GRM3: variants seen among roughly 807,000 people sequenced by gnomAD.
The protein encoded by GRM3 is glutamate metabotropic receptor 3, also known as metabotropic glutamate receptor 3.
In GRM3, 26 loss-of-function variants were observed where a neutral mutation model predicts 70.5. The observed-to-expected ratio is 0.37, with a 90% CI of 0.27 to 0.51. GRM3 has a LOEUF of 0.51. GRM3 is among the 20% of genes least tolerant of loss of function. The pLI, the probability that GRM3 is intolerant of heterozygous loss-of-function variation, is 0.93. For missense variants in GRM3, 859 were observed against 1,123.8 expected (o/e 0.76, Z 3.37); for synonymous variants, 443 against 434.9 (o/e 1.02, Z -0.23).
At chr7:86,739,291 G>A (rs139332334) in intron 1 of GRM3, among the ~76,000 whole-genome samples, 2 of 152,228 alleles carry the variant, frequency 1.3e-5, no homozygotes, top group African/African-American at 4.8e-5. Flanking sequence ...ACAGGCCTCT[G>A]GAAATTATTC....
intron 1 of GRM3, among the ~76,000 whole-genome samples, chr7:86,712,754 T>C (rs771421030): frequency 3.9e-5 from 6 of 152,056 alleles, no homozygotes; most frequent in Non-Finnish European, 8.8e-5. Context: ...TGTGTTTGTC[T>C]TATTTTACTT....
At chr7:86,717,771 G>A (rs1221448124) in intron 1 of GRM3, among the ~76,000 whole-genome samples, 3 of 151,912 alleles carry the variant, frequency 2.0e-5, no homozygotes, top group Non-Finnish European at 4.4e-5. Flanking sequence ...GATGGGCATC[G>A]AGGAAAGGGC....
chr7:86,651,222 G>T (rs145838470), intron 1 of GRM3, among the ~76,000 whole-genome samples: 1 of 152,198 alleles, frequency 6.6e-6, no homozygotes, highest in African/African-American at 2.4e-5. Context: ...ACAACCAAAG[G>T]GCTGAAACAA....
intron 3 of GRM3, among the ~76,000 whole-genome samples, chr7:86,800,007 A>G (rs1797646373): frequency 6.6e-6 from 1 of 152,238 alleles, no homozygotes. Flanking sequence ...CCACACAACT[A>G]CATAGAAATT....
In GRM3 at chr7:86,839,952, T is replaced by G. The variant is rs958340234; in HGVS notation, c.2391+47T>G. On this transcript the variant is annotated intron_variant, in intron 4 of 5. Transcript: ENST00000361669. The surrounding 1 kb of genome is among the most constrained non-coding windows in gnomAD (Gnocchi z 4.5). ...ATTTTTCTTGTTCTTTCTCCTCCAG[T>G]GTTTCTTGTGTAGTATTTAAAATAG... The G allele has an allele frequency of 2.5e-5, 27 of 1,084,728 alleles. No homozygotes were observed. The highest frequency in any genetic ancestry group is 2.0e-4 in the Middle Eastern group (1 of 4,956). The allele number at this position is 1,084,728 out of a possible 1,614,324, so 67.2% of individuals were successfully genotyped here.
At chr7:86,659,187 C>A (rs543910389) in intron 1 of GRM3, among the ~76,000 whole-genome samples, 1 of 152,254 alleles carries the variant, frequency 6.6e-6, no homozygotes, top group African/African-American at 2.4e-5. Flanking sequence ...ATAAATAACA[C>A]CCCAAGGTAT....
chr7:86,856,439 C>A (rs1798847447), intron 5 of GRM3, among the ~76,000 whole-genome samples: 1 of 146,066 alleles, frequency 6.8e-6, no homozygotes, highest in African/African-American at 2.6e-5. Context: ...GAGCAAGACT[C>A]CATCGCCCTC....
At chr7:86,704,650 T>C (rs907668156) in intron 1 of GRM3, among the ~76,000 whole-genome samples, 3 of 151,908 alleles carry the variant, frequency 2.0e-5, no homozygotes, top group African/African-American at 4.8e-5. Flanking sequence ...AGGATTCTGA[T>C]TGCTGTAGTT....
At chr7:86,687,660 A>T (rs1476260109) in intron 1 of GRM3, among the ~76,000 whole-genome samples, 3 of 151,944 alleles carry the variant, frequency 2.0e-5, no homozygotes, top group Non-Finnish European at 4.4e-5. Context: ...TCTCATAGAC[A>T]TATAGAACTT....
At chr7:86,858,873 A>T (rs1460257521) in intron 5 of GRM3, among the ~76,000 whole-genome samples, 1 of 152,230 alleles carries the variant, frequency 6.6e-6, no homozygotes, top group East Asian at 1.9e-4. Flanking sequence ...AGTATAATGA[A>T]TATGATGATC....
At chr7:86,771,811 C>T (rs1462184073) in intron 2 of GRM3, among the ~76,000 whole-genome samples, 5 of 152,004 alleles carry the variant, frequency 3.3e-5, no homozygotes, top group South Asian at 2.1e-4. Context: ...AGGGGAAAGA[C>T]GTCTAGATAT....
intron 1 of GRM3, among the ~76,000 whole-genome samples, chr7:86,726,074 C>T (rs983678662): frequency 4.6e-5 from 7 of 152,162 alleles, no homozygotes; most frequent in African/African-American, 1.4e-4. Context: ...GATAGTTGTG[C>T]TAGAGTGACA....
intron 2 of GRM3, among the ~76,000 whole-genome samples, chr7:86,785,630 A>C (rs1797210001): frequency 6.7e-6 from 1 of 149,518 alleles, no homozygotes; most frequent in African/African-American, 2.4e-5. Flanking sequence ...CAAGATTTTC[A>C]GGAGTTTAGA....
At chr7:86,822,739 C>A (rs574738941) in intron 3 of GRM3, among the ~76,000 whole-genome samples, 102 of 152,128 alleles carry the variant, frequency 6.7e-4, no homozygotes, top group African/African-American at 2.2e-3. Flanking sequence ...TGTTAGATAT[C>A]TTTTTTAAAA....
At chr7:86,670,319 A>G (rs1425844919) in intron 1 of GRM3, among the ~76,000 whole-genome samples, 1 of 152,204 alleles carries the variant, frequency 6.6e-6, no homozygotes, top group East Asian at 1.9e-4. Flanking sequence ...TTTCCTACTC[A>G]TGTGGCTCCA....
At chr7:86,855,966 T>C (rs1233666190) in intron 5 of GRM3, among the ~76,000 whole-genome samples, 1 of 152,184 alleles carries the variant, frequency 6.6e-6, no homozygotes, top group African/African-American at 2.4e-5. Flanking sequence ...ATTAGCAAGG[T>C]ATTTGGTAAT....
intron 2 of GRM3, among the ~76,000 whole-genome samples, chr7:86,770,781 A>G (rs944042637): frequency 6.6e-6 from 1 of 152,164 alleles, no homozygotes; most frequent in Non-Finnish European, 1.5e-5. Flanking sequence ...TAGCCTTCAT[A>G]TAGTTAGCTG....
At chr7:86,819,162 C>T (rs1351175419) in intron 3 of GRM3, among the ~76,000 whole-genome samples, 1 of 151,986 alleles carries the variant, frequency 6.6e-6, no homozygotes, top group African/African-American at 2.4e-5. Flanking sequence ...AAGCCATTTG[C>T]TGAATTCATA....
intron 3 of GRM3, among the ~76,000 whole-genome samples, chr7:86,795,514 A>G (rs558176850): frequency 1.3e-5 from 2 of 152,052 alleles, no homozygotes; most frequent in Admixed American, 1.3e-4. Context: ...TCCACTTATA[A>G]CTGAGAACAT....
Sources: gnomAD v4.1 joint callset for allele counts (sites outside exome capture counted in the v4.1 genomes callset) on GRCh38, gnomAD v4.1.1 for gene constraint, Gnocchi (gnomAD v3.1) non-coding constraint, MANE v1.5 for transcripts, NCBI Gene and HGNC (gene_info 2026-07-23, HGNC 2026-07-21) for gene names.